The following PKHD1L1 variants were observed in gnomAD, a reference collection of about 807,000 sequenced individuals.
The protein encoded by PKHD1L1 is PKHD1 like 1, also known as fibrocystin-L.
A neutral mutation model predicts 462.9 loss-of-function variants in PKHD1L1; 434 were observed. That is an observed-to-expected ratio of 0.94 (90% CI 0.87 to 1.02). PKHD1L1 has a LOEUF of 1.02. PKHD1L1 is among the 50% of genes least tolerant of loss of function. The probability of loss-of-function intolerance (pLI) is 0.00; values close to 1 mark genes in which losing one functional copy is unlikely to be tolerated. For synonymous variants in PKHD1L1, 1,781 were observed against 1,750.0 expected (o/e 1.02, Z -0.44); for missense variants, 5,202 against 5,096.1 (o/e 1.02, Z -0.63).
At position 109,464,749 on chromosome 8, in the gene PKHD1L1, A is replaced by G. The variant is rs367970328; in HGVS notation, c.7917A>G (p.Thr2639=). The change falls in exon 49 of 78, where the codon ACA becomes ACG. Residue 2639 remains threonine (T), a synonymous_variant. Transcript: ENST00000378402. ...EYFPMQTGSC[T]STVPAPAIFN... ...TCCCCATGCAAACGGGATCTTGTACATCTACAGTGCCTGCACCTGCAATAT... is the reference window on the plus strand; with the variant it reads ...TCCCCATGCAAACGGGATCTTGTACGTCTACAGTGCCTGCACCTGCAATAT... The G allele has an allele frequency of 4.4e-5, 71 of 1,613,878 alleles. No individual in the cohort carries two copies. In the African/African-American group the frequency reaches 8.8e-4, roughly 20 times the overall value.
At chr8:109,429,504 A>G (rs982560011) in intron 26 of PKHD1L1, 42 bp downstream of exon 26, 8 of 1,556,408 alleles carry the variant, frequency 5.1e-6, no homozygotes, top group Non-Finnish European at 7.0e-6. Flanking sequence ...TGTAATTTTA[A>G]TAGTATAACT....
chr8:109,443,821 C>T lies in PKHD1L1; in HGVS notation c.4710C>T (p.Asn1570=), dbSNP rs747768063. Residue 1570 remains asparagine, a synonymous_variant, in exon 37 of 78, where the codon AAC becomes AAT. Coordinates refer to ENST00000378402, the MANE Select transcript of PKHD1L1 (RefSeq NM_177531.6). The part of the protein sequence containing the change: ...VSSCFSPSIS[N]ITPSTGTVNE... ...GTTGTTTTTCACCATCTATAAGCAACATTACTCCGTCCACTGGAACAGTAA... is the reference window on the plus strand; with the variant it reads ...GTTGTTTTTCACCATCTATAAGCAATATTACTCCGTCCACTGGAACAGTAA... 1 of 1,613,818 alleles carries T rather than the reference C, an allele frequency of 6.2e-7. No individual in the cohort carries two copies. The highest frequency in any genetic ancestry group is 1.1e-5 in the South Asian group (1 of 91,078).
rs1244163718 is a variant in PKHD1L1, at chr8:109,386,071, G to A, written c.569+441G>A. 3.3e-5 allele frequency among the ~76,000 whole-genome samples: 5 copies of A among 152,118 alleles called. No homozygotes were observed. The East Asian group carries it at 9.6e-4, about 29-fold the overall frequency. ...ACACAGTTTTGACACATTTTCTACT[G>A]CTTCATGATGTACAGGCAAGTGCTG... On this transcript the variant is annotated intron_variant, in intron 6 of 77. Coordinates refer to ENST00000378402, the MANE Select transcript of PKHD1L1 (RefSeq NM_177531.6).
At position 109,438,995 on chromosome 8, in the gene PKHD1L1, T is replaced by C. The variant is rs756126534; in HGVS notation, c.3859T>C (p.Trp1287Arg). Residue 1287 changes from tryptophan (W) to arginine (R), a missense_variant, in exon 32 of 78, where the codon TGG becomes CGG. Trp to Arg is a moderately radical substitution (Grantham distance 101). Coordinates refer to ENST00000378402, the MANE Select transcript of PKHD1L1 (RefSeq NM_177531.6). ...VGGKTCQILH[W>R]NFTDIRCLLP... Reference sequence around the variant, plus strand: ...AGGAAAAACCTGCCAGATTCTTCACTGGAACTTCACAGATATTAGATGCCT... The same window carrying C: ...AGGAAAAACCTGCCAGATTCTTCACCGGAACTTCACAGATATTAGATGCCT... 3 of 1,613,644 alleles carry C rather than the reference T, an allele frequency of 1.9e-6. No individual in the cohort carries two copies. The highest frequency in any genetic ancestry group is 2.2e-5 in the South Asian group (2 of 91,076).
In PKHD1L1 at chr8:109,454,610, A is replaced by G. The variant is rs546122574; in HGVS notation, c.6745-113A>G. The G allele has an allele frequency of 1.1e-5, 15 of 1,415,272 alleles. No homozygotes were observed. In the African/African-American group the frequency reaches 2.1e-4, roughly 20 times the overall value. The allele number at this position is 1,415,272 out of a possible 1,614,324, so 87.7% of individuals were successfully genotyped here. On this transcript the variant is annotated intron_variant, in intron 44 of 77. Coordinates refer to ENST00000378402, the MANE Select transcript of PKHD1L1 (RefSeq NM_177531.6). ...TTCAAAAGAAAGATATGAACAACTG[A>G]GCAATTAATTCTCAAAAGAGAAGAG...
intron 19 of PKHD1L1, among the ~76,000 whole-genome samples, chr8:109,411,149 T>C (rs1238343115): frequency 6.6e-6 from 1 of 152,152 alleles, no homozygotes; most frequent in Non-Finnish European, 1.5e-5. Context: ...TATAATTGCT[T>C]CTCGACATAA....
intron 11 of PKHD1L1, 116 bp from the exon 12 acceptor site, chr8:109,398,343 T>C: frequency 1.5e-6 from 1 of 655,516 alleles, no homozygotes; most frequent in South Asian, 1.7e-5. Flanking sequence ...AGAGCCCTAA[T>C]TTTGCCTCTT....
intron 50 of PKHD1L1, among the ~76,000 whole-genome samples, chr8:109,468,331 G>A (rs1817553860): frequency 6.6e-6 from 1 of 152,136 alleles, no homozygotes; most frequent in Non-Finnish European, 1.5e-5. Flanking sequence ...AGGAAGGCAG[G>A]TATTTCTGCA....
Position 109,464,238 on chromosome 8 carries a change from T to C in PKHD1L1, c.7406T>C (p.Phe2469Ser), listed in dbSNP as rs1378042414. 1 of 1,600,638 alleles carries C rather than the reference T, an allele frequency of 6.2e-7. No individual in the cohort carries two copies. Among genetic ancestry groups the C allele is most frequent in the African/African-American group, 1.3e-5 (1 of 74,660 alleles). Residue 2469 changes from phenylalanine to serine, a missense_variant, in exon 49 of 78, where the codon TTC (phenylalanine) becomes TCC (serine). Coordinates refer to ENST00000378402, the MANE Select transcript of PKHD1L1 (RefSeq NM_177531.6). ...YVEVFHAGQA[F>S]RLGRYPIHWH... ...CAGGTATTCCATGCTGGCCAGGCTT[T>C]CCGGTTGGGGCGATATCCAATACAT...
chr8:109,458,148 T>G (rs781540757), intron 46 of PKHD1L1, among the ~76,000 whole-genome samples: 2 of 152,174 alleles, frequency 1.3e-5, no homozygotes, highest in Non-Finnish European at 2.9e-5. Context: ...TACTATCCTT[T>G]GTTTTCTTTC....
chr8:109,389,385 C>A (rs1373710609), intron 8 of PKHD1L1, among the ~76,000 whole-genome samples: 1 of 151,948 alleles, frequency 6.6e-6, no homozygotes, highest in Non-Finnish European at 1.5e-5. Flanking sequence ...TCTCTTTCTT[C>A]TTCTTTCTCC....
chr8:109,430,615 G>A (rs1815044599), intron 27 of PKHD1L1, among the ~76,000 whole-genome samples: 1 of 151,964 alleles, frequency 6.6e-6, no homozygotes, highest in Non-Finnish European at 1.5e-5. Context: ...AGCAACTAAG[G>A]ACTGAAATAA....
At chr8:109,444,251 T>C (rs1248190511) in intron 37 of PKHD1L1, among the ~76,000 whole-genome samples, 1 of 152,194 alleles carries the variant, frequency 6.6e-6, no homozygotes, top group Non-Finnish European at 1.5e-5. Context: ...AATAGAATCA[T>C]ACAATATGTG....
chr8:109,430,916 A>T (rs939314579), intron 27 of PKHD1L1, among the ~76,000 whole-genome samples: 13 of 152,144 alleles, frequency 8.5e-5, no homozygotes, highest in African/African-American at 3.1e-4. Flanking sequence ...ATTTGGTTAC[A>T]GTCCTTTGGT....
intron 51 of PKHD1L1, among the ~76,000 whole-genome samples, chr8:109,475,916 A>AT (rs1224083009): frequency 1.6e-5 from 2 of 125,778 alleles, no homozygotes; most frequent in African/African-American, 5.9e-5. Context: ...TTACTTTCTA[A>AT]TTTATAAAAA....
At chr8:109,454,630 GAA>G in intron 44 of PKHD1L1, 91 bp from the exon 45 acceptor site, 1 of 1,501,814 alleles carries the variant, frequency 6.7e-7, no homozygotes, top group South Asian at 1.3e-5. Context: ...TCTCAAAAGA[GAA>G]GAGAGGATAG....
In PKHD1L1 at chr8:109,364,545, A is replaced by G. The variant is rs753103239; in HGVS notation, c.74-2A>G. 1 of 1,574,276 alleles carries G rather than the reference A, an allele frequency of 6.4e-7. No individual in the cohort carries two copies. The highest frequency in any genetic ancestry group is 1.1e-5 in the South Asian group (1 of 87,200). ...CCTCTACTGTATTTTAATATTTTTCAGATGGCTCTCAAATAATCCCCAAAG... is the reference window on the plus strand; with the variant it reads ...CCTCTACTGTATTTTAATATTTTTCGGATGGCTCTCAAATAATCCCCAAAG... On this transcript the variant is annotated splice_acceptor_variant, in intron 1 of 77. Coordinates refer to ENST00000378402, the MANE Select transcript of PKHD1L1 (RefSeq NM_177531.6). LOFTEE classifies it high-confidence loss of function.
At chr8:109,383,158 TATATATA>T (rs1388570588) in intron 4 of PKHD1L1, among the ~76,000 whole-genome samples, 1 of 22,528 alleles carries the variant, frequency 4.4e-5, no homozygotes, top group Non-Finnish European at 7.7e-5. Flanking sequence ...TATATATATT[TATATATA>T]ATATATACAA....
Position 109,466,548 on chromosome 8 carries a change from A to G in PKHD1L1, c.8414-30A>G, listed in dbSNP as rs372338607. ...TTTTTATGTTTCTTAATGTGAAATA[A>G]AAAACATATTTTGTTTGTTTGTTTC... is the stretch of plus-strand genomic sequence containing the variant. On this transcript the variant is annotated intron_variant, in intron 49 of 77. Coordinates refer to ENST00000378402, the MANE Select transcript of PKHD1L1 (RefSeq NM_177531.6). 11 of 1,533,212 alleles carry G rather than the reference A, an allele frequency of 7.2e-6. No individual in the cohort carries two copies. In the African/African-American group the frequency reaches 1.5e-4, roughly 21 times the overall value. 95.0% of individuals were successfully genotyped at this position (1,533,212 alleles called of 1,614,324 possible).
Sources: gnomAD v4.1 joint callset for allele counts (sites outside exome capture counted in the v4.1 genomes callset) on GRCh38, gnomAD v4.1.1 for gene constraint, MANE v1.5 for transcripts, NCBI Gene and HGNC (gene_info 2026-07-23, HGNC 2026-07-21) for gene names.